FBXL17: variants seen among roughly 807,000 people sequenced by gnomAD.
FBXL17 encodes the protein F-box/LRR-repeat protein 17.
In FBXL17, 22 loss-of-function variants were observed where a neutral mutation model predicts 66.2. The ratio of observed to expected loss-of-function variants is 0.33; its 90% CI spans 0.24 to 0.47. FBXL17 has a LOEUF of 0.47. FBXL17 is among the 20% of genes least tolerant of loss of function. The pLI is 1.00. For missense variants in FBXL17, 878 were observed against 948.2 expected, an observed-to-expected ratio of 0.93 and a Z score of 0.97; for synonymous variants, 474 against 400.5, an observed-to-expected ratio of 1.18 and a Z score of -2.19.
At chr5:107,980,645 A>AATATATATATATATAT (rs61438456) in intron 7 of FBXL17, among the ~76,000 whole-genome samples, 75 of 79,064 alleles carry the variant, frequency 9.5e-4, no homozygotes, top group African/African-American at 2.5e-3. Flanking sequence ...CCAATAAAAT[A>AATATATATATATATAT]ATATATATAT....
chr5:108,373,833 G>A (rs187891445), intron 1 of FBXL17, among the ~76,000 whole-genome samples: 3 of 152,098 alleles, frequency 2.0e-5, no homozygotes, highest in Non-Finnish European at 4.4e-5. Flanking sequence ...TTGGAGAATA[G>A]CTTGAGCCCA....
intron 6 of FBXL17, among the ~76,000 whole-genome samples, chr5:108,021,583 G>A (rs1377548590): frequency 1.9e-4 from 29 of 151,196 alleles, no homozygotes; most frequent in Non-Finnish European, 3.0e-5. Flanking sequence ...TTGTTGTAAA[G>A]GTTTAGGCCA....
chr5:108,063,811 TTTC>T (rs1308258088), intron 6 of FBXL17, among the ~76,000 whole-genome samples: 1 of 152,182 alleles, frequency 6.6e-6, no homozygotes, highest in African/African-American at 2.4e-5. Context: ...TAGATGTATC[TTTC>T]TTGTTTTTTG....
intron 6 of FBXL17, among the ~76,000 whole-genome samples, chr5:108,040,910 A>G (rs907460995): frequency 5.3e-5 from 8 of 152,196 alleles, no homozygotes; most frequent in Non-Finnish European, 1.0e-4. Flanking sequence ...TATAAAAATC[A>G]TAATAATGTA....
At chr5:107,868,426 T>C (rs1454724057) in intron 8 of FBXL17, among the ~76,000 whole-genome samples, 1 of 152,216 alleles carries the variant, frequency 6.6e-6, no homozygotes, top group Non-Finnish European at 1.5e-5. Context: ...GAACAGTCTG[T>C]TGTGGAGCTG....
At chr5:108,129,220 C>T (rs4404664) in intron 6 of FBXL17, among the ~76,000 whole-genome samples, 18,461 of 152,080 alleles carry the variant, frequency 0.12, 1,335 homozygotes, top group East Asian at 0.16. Flanking sequence ...GTTCTTTCAG[C>T]ACTGTCTTTG....
intron 6 of FBXL17, among the ~76,000 whole-genome samples, chr5:108,113,100 C>T (rs1356841421): frequency 1.3e-5 from 2 of 152,166 alleles, no homozygotes; most frequent in Middle Eastern, 3.2e-3. Context: ...CTCACCCAGT[C>T]TTTCTCATAC....
intron 6 of FBXL17, among the ~76,000 whole-genome samples, chr5:108,162,021 T>C (rs541633249): frequency 1.0e-3 from 152 of 152,342 alleles, no homozygotes; most frequent in African/African-American, 3.6e-3. Flanking sequence ...ATAGAAATTA[T>C]GAAAACGTAA....
At chr5:108,047,102 C>A (rs944033852) in intron 6 of FBXL17, among the ~76,000 whole-genome samples, 1 of 152,186 alleles carries the variant, frequency 6.6e-6, no homozygotes, top group South Asian at 2.1e-4. Context: ...GAATCCTACG[C>A]TGGCAACCAA....
intron 5 of FBXL17, among the ~76,000 whole-genome samples, chr5:108,195,929 G>C (rs564872731): frequency 8.6e-4 from 131 of 152,208 alleles, no homozygotes; most frequent in African/African-American, 3.1e-3. Flanking sequence ...AGGCAGAAAA[G>C]ATAGTTTTGT....
chr5:108,039,957 TA>T, intron 6 of FBXL17, among the ~76,000 whole-genome samples: 1 of 152,258 alleles, frequency 6.6e-6, no homozygotes, highest in East Asian at 1.9e-4. Flanking sequence ...TTAAAAATAG[TA>T]AAAATGTTGA....
intron 8 of FBXL17, chr5:107,880,379 T>C (rs1748748760): frequency 1.0e-6 from 1 of 985,964 alleles, no homozygotes; most frequent in African/African-American, 1.7e-5. Context: ...ATTTTTATTA[T>C]CTGTTTTCTC....
In FBXL17 at chr5:108,222,049, A is replaced by G. The variant is rs79915308; in HGVS notation, c.1614+2072T>C. ...TCCAATAGATTCTGATTGTTGATAG[A>G]CCAAACCAGCAATCCTTGCCTAAAA... On this transcript the variant is annotated intron_variant, in intron 5 of 8. Transcript: ENST00000542267. Among the ~76,000 whole-genome samples, 452 of 152,330 alleles carry G rather than the reference A, an allele frequency of 3.0e-3. 3 individuals carry two copies. The highest frequency in any genetic ancestry group is 0.01 in the Middle Eastern group (3 of 294).
At chr5:108,187,103 A>C (rs1753269317) in intron 5 of FBXL17, among the ~76,000 whole-genome samples, 1 of 152,092 alleles carries the variant, frequency 6.6e-6, no homozygotes, top group Non-Finnish European at 1.5e-5. Context: ...AAGAAGCAAA[A>C]ATTTCTCCAG....
intron 6 of FBXL17, among the ~76,000 whole-genome samples, chr5:108,084,414 G>A (rs1316172148): frequency 1.3e-5 from 2 of 152,124 alleles, no homozygotes; most frequent in African/African-American, 4.8e-5. Context: ...TATGAAACGG[G>A]GCTAGGAGCA....
At chr5:108,311,356 G>C (rs574010651) in intron 4 of FBXL17, among the ~76,000 whole-genome samples, 134 of 151,976 alleles carry the variant, frequency 8.8e-4, no homozygotes, top group African/African-American at 2.9e-3. Context: ...ATTTTTAGTA[G>C]AGACAGGGTT....
chr5:107,871,998 G>A (rs1748472226), intron 8 of FBXL17, among the ~76,000 whole-genome samples: 5 of 152,082 alleles, frequency 3.3e-5, no homozygotes, highest in Admixed American at 3.3e-4. Context: ...GTGGTAATCA[G>A]CAAGTGCACA....
intron 4 of FBXL17, among the ~76,000 whole-genome samples, chr5:108,235,381 T>C (rs530033046): frequency 6.6e-5 from 10 of 152,206 alleles, no homozygotes; most frequent in African/African-American, 1.2e-4. Context: ...CCCATCGTTA[T>C]ACTAGCACTG....
chr5:108,103,600 G>C (rs1435782125), intron 6 of FBXL17, among the ~76,000 whole-genome samples: 1 of 152,048 alleles, frequency 6.6e-6, no homozygotes, highest in Non-Finnish European at 1.5e-5. Flanking sequence ...TTAATTTTTA[G>C]CTTTTATGTC....
Sources: gnomAD v4.1 joint callset for allele counts (sites outside exome capture counted in the v4.1 genomes callset) on GRCh38, gnomAD v4.1.1 for gene constraint, MANE v1.5 for transcripts, NCBI Gene and HGNC (gene_info 2026-07-23, HGNC 2026-07-21) for gene names.